Variants in UNC79 observed in about 807,000 individuals in gnomAD.
UNC79 encodes protein unc-79 homolog.
Under a neutral mutation model 283.1 loss-of-function variants are expected in UNC79, and 37 were observed. The ratio of observed to expected loss-of-function variants is 0.13; its 90% CI spans 0.10 to 0.17. UNC79 has a LOEUF of 0.17. UNC79 is among the 10% of genes least tolerant of loss of function. UNC79 has a pLI of 1.00. For missense variants in UNC79, 2,272 were observed against 3,211.1 expected (o/e 0.71, Z 7.07); for synonymous variants, 1,107 against 1,200.2 (o/e 0.92, Z 1.61).
intron 1 of UNC79, among the ~76,000 whole-genome samples, chr14:93,370,679 G>A (rs531654706): frequency 6.6e-6 from 1 of 152,316 alleles, no homozygotes; most frequent in East Asian, 1.9e-4. Flanking sequence ...GGCTGAGGCA[G>A]GAGAATCACT....
intron 44 of UNC79, chr14:93,689,253 C>G (rs765990311): frequency 6.0e-6 from 1 of 167,838 alleles, no homozygotes; most frequent in Non-Finnish European, 1.3e-5. Context: ...CTGGCTCTGC[C>G]TTTTAGGGAG....
intron 1 of UNC79, among the ~76,000 whole-genome samples, chr14:93,449,933 GTTA>G (rs1236185556): frequency 2.6e-5 from 4 of 152,156 alleles, no homozygotes; most frequent in African/African-American, 4.8e-5. Context: ...ATGGGTGTAC[GTTA>G]TTATTACTTT....
intron 1 of UNC79, among the ~76,000 whole-genome samples, chr14:93,380,135 G>A (rs958052150): frequency 6.6e-5 from 10 of 152,136 alleles, no homozygotes; most frequent in Admixed American, 5.9e-4. Flanking sequence ...TGTCAGATTT[G>A]CTCTCCTTAT....
intron 25 of UNC79, among the ~76,000 whole-genome samples, chr14:93,601,579 C>T (rs1029348233): frequency 2.0e-5 from 3 of 152,186 alleles, no homozygotes; most frequent in Admixed American, 6.5e-5. Flanking sequence ...GTGCAAATGT[C>T]TTTTCCTATA....
In UNC79 at chr14:93,474,258, G is replaced by A; in HGVS notation, c.313G>A (p.Asp105Asn). Reference sequence around the variant, plus strand: ...CTCCCTCCTTTACAGCGTCCTGCGAGATGCTCCCTCAGAACGCGGCCCGCA... The same window carrying A: ...CTCCCTCCTTTACAGCGTCCTGCGAAATGCTCCCTCAGAACGCGGCCCGCA... The change falls in exon 3 of 49, where the codon GAT (aspartate) becomes AAT (asparagine). Residue 105 changes from aspartate (D) to asparagine (N), a missense_variant. Around this residue, in one of 11 missense-constraint regions of UNC79, gnomAD observed 194 missense variants for 268.9 expected, o/e 0.72. Transcript: ENST00000555664. This position sits in a 1 kb window ranked among gnomAD's most constrained non-coding sequence, Gnocchi z 4.1. 6.5e-7 allele frequency: 1 copy of A among 1,536,062 alleles called. No individual in the cohort carries two copies. The highest frequency in any genetic ancestry group is 2.4e-5 in the East Asian group (1 of 40,918).
At chr14:93,624,906 T>G (rs1344783567) in intron 30 of UNC79, among the ~76,000 whole-genome samples, 1 of 152,158 alleles carries the variant, frequency 6.6e-6, no homozygotes, top group Non-Finnish European at 1.5e-5. Context: ...CCCTGCTAAC[T>G]GCCAGGAGTC....
At chr14:93,344,558 GAA>G (rs983069848) in intron 1 of UNC79, among the ~76,000 whole-genome samples, 1 of 150,540 alleles carries the variant, frequency 6.6e-6, no homozygotes, top group Non-Finnish European at 1.5e-5. Context: ...GCTAGGCAGG[GAA>G]AAAAAAACAT....
At chr14:93,582,440 C>A in intron 20 of UNC79, 96 bp downstream of exon 20, 1 of 1,522,116 alleles carries the variant, frequency 6.6e-7, no homozygotes, top group Non-Finnish European at 8.8e-7. Flanking sequence ...TGGGCAAATT[C>A]AGACGTGGTT....
intron 12 of UNC79, among the ~76,000 whole-genome samples, chr14:93,540,217 C>T (rs1159658878): frequency 6.6e-6 from 1 of 152,194 alleles, no homozygotes; most frequent in Non-Finnish European, 1.5e-5. Context: ...GTTTCACTTT[C>T]GTGTCTTTGA....
At chr14:93,360,583 A>G (rs1017787692) in intron 1 of UNC79, among the ~76,000 whole-genome samples, 2 of 152,362 alleles carry the variant, frequency 1.3e-5, no homozygotes, top group Admixed American at 1.3e-4. Flanking sequence ...GAGGCCCACC[A>G]GAAGCAATTT....
intron 7 of UNC79, among the ~76,000 whole-genome samples, chr14:93,502,588 G>A (rs1306151340): frequency 6.6e-6 from 1 of 152,150 alleles, no homozygotes; most frequent in Non-Finnish European, 1.5e-5. Flanking sequence ...CTGTGGGAGA[G>A]AAAGAAATTA....
In UNC79 at chr14:93,621,980, T is replaced by G; in HGVS notation, c.4747T>G (p.Leu1583Val). The change falls in exon 30 of 49, where the codon TTA (leucine) becomes GTA (valine). Residue 1583 changes from leucine (L) to valine (V), a missense_variant. By Grantham distance (32) the Leu-to-Val change is conservative. Coordinates refer to ENST00000555664, the Ensembl canonical transcript of UNC79. This position sits in a 1 kb window ranked among gnomAD's most constrained non-coding sequence, Gnocchi z 4.8. ...AAGGCCTGTCATACCAGAGGTTAGG[T>G]TAAACTGTATGGAGACTTTCGAGGT... The G allele has an allele frequency of 6.2e-7, 1 of 1,613,790 alleles. No individual in the cohort carries two copies. Among genetic ancestry groups the G allele is most frequent in the Non-Finnish European group, 8.5e-7 (1 of 1,179,950 alleles).
rs749400850 is a variant in UNC79, at chr14:93,572,088, G to C, written c.1946+4G>C. The C allele has an allele frequency of 1.2e-6, 2 of 1,612,422 alleles. No homozygotes were observed. The highest frequency in any genetic ancestry group is 1.7e-6 in the Non-Finnish European group (2 of 1,179,476). On this transcript the variant is annotated splice_donor_region_variant and intron_variant, in intron 15 of 48. Transcript: ENST00000555664. ...AAGAATTCAGGGAAGTATTAAGGTG[G>C]GTAAGTAGTTTAATGAAGTCACTGT...
intron 20 of UNC79, among the ~76,000 whole-genome samples, chr14:93,583,969 C>T (rs1185364193): frequency 2.0e-5 from 3 of 151,992 alleles, no homozygotes; most frequent in Non-Finnish European, 2.9e-5. Flanking sequence ...CCATGCCCGG[C>T]TAGTTTTTTA....
Position 93,690,331 on chromosome 14 carries a change from G to T in UNC79, c.7272+28G>T, listed in dbSNP as rs754403296. On this transcript the variant is annotated intron_variant, in intron 45 of 48. Transcript: ENST00000555664. This position sits in a 1 kb window ranked among gnomAD's most constrained non-coding sequence, Gnocchi z 4.3. ...AAGTGATTTCTGCAAGATTAAGACC[G>T]TATGCATCGCAATTGCTAATGGAAA... The T allele has an allele frequency of 4.4e-6, 7 of 1,593,660 alleles. No individual in the cohort carries two copies. In the East Asian group the frequency reaches 1.1e-4, roughly 26 times the overall value.
upstream of UNC79, chr14:93,333,202 C>G (rs2053490889): frequency 2.0e-5 from 8 of 393,084 alleles, no homozygotes; most frequent in South Asian, 5.5e-4. Context: ...TCCATGGGAG[C>G]GGAGTGCGCG....
intron 38 of UNC79, 67 bp downstream of exon 41, chr14:93,655,474 C>T: frequency 6.4e-7 from 1 of 1,564,470 alleles, no homozygotes; most frequent in East Asian, 2.2e-5. Flanking sequence ...TATTTACAAG[C>T]AGCAGAGTCT....
intron 1 of UNC79, among the ~76,000 whole-genome samples, chr14:93,449,811 A>G (rs1188972514): frequency 6.6e-6 from 1 of 152,204 alleles, no homozygotes; most frequent in African/African-American, 2.4e-5. Flanking sequence ...GGAATGATAA[A>G]TGAAAATGTT....
At chr14:93,532,303 C>A (rs1001068310) in intron 10 of UNC79, among the ~76,000 whole-genome samples, 905 of 127,192 alleles carry the variant, frequency 7.1e-3, no homozygotes, top group Admixed American at 8.6e-3. Flanking sequence ...CCCATGTCTA[C>A]AAAAAAAAAA....
Sources: allele counts gnomAD v4.1 joint callset (sites outside exome capture counted in the v4.1 genomes callset), GRCh38; gene constraint gnomAD v4.1.1; regional missense constraint gnomAD v4.1.1; non-coding constraint Gnocchi (gnomAD v3.1); transcripts MANE v1.5; gene names NCBI Gene and HGNC (gene_info 2026-07-23, HGNC 2026-07-21).